Variants in GRID2 observed in about 807,000 individuals in gnomAD.
GRID2 encodes glutamate ionotropic receptor delta type subunit 2, also known as glutamate receptor ionotropic, delta-2.
A neutral mutation model predicts 114.8 loss-of-function variants in GRID2; 33 were observed. The ratio of observed to expected loss-of-function variants is 0.29; its 90% confidence interval spans 0.22 to 0.38. The LOEUF (loss-of-function observed/expected upper bound fraction) is 0.38, where lower values mean the gene tolerates loss of function less well. Ranked by LOEUF, GRID2 falls within the 10% of genes least tolerant of loss-of-function variation. The pLI is 1.00. For synonymous variants in GRID2, 505 were observed against 449.9 expected, an observed-to-expected ratio of 1.12 and a Z score of -1.55; for missense variants, 1,184 against 1,257.7, an observed-to-expected ratio of 0.94 and a Z score of 0.89.
chr4:92,741,260 A>G (rs1736881949), intron 2 of GRID2, among the ~76,000 whole-genome samples: 1 of 152,108 alleles, frequency 6.6e-6, no homozygotes, highest in Admixed American at 6.6e-5. Context: ...GATTTAATGA[A>G]CTAGTATTTA....
At chr4:92,638,546 G>T (rs1731185902) in intron 2 of GRID2, among the ~76,000 whole-genome samples, 1 of 148,358 alleles carries the variant, frequency 6.7e-6, no homozygotes, top group African/African-American at 2.5e-5. Flanking sequence ...TCTTCCAATT[G>T]ACTCATTAAT....
intron 2 of GRID2, among the ~76,000 whole-genome samples, chr4:92,638,460 C>A (rs930180177): frequency 1.4e-5 from 2 of 147,170 alleles, no homozygotes; most frequent in Non-Finnish European, 3.0e-5. Flanking sequence ...ATATAAAATA[C>A]ATATATGTAT....
At chr4:92,829,399 G>T (rs1472568428) in intron 2 of GRID2, among the ~76,000 whole-genome samples, 1 of 152,058 alleles carries the variant, frequency 6.6e-6, no homozygotes, top group African/African-American at 2.4e-5. Flanking sequence ...ACCATCTCAT[G>T]CCAGTTAGAA....
intron 1 of GRID2, among the ~76,000 whole-genome samples, chr4:92,378,660 A>T (rs1317526391): frequency 6.6e-6 from 1 of 152,034 alleles, no homozygotes; most frequent in Admixed American, 6.6e-5. Flanking sequence ...AGAATCTTAG[A>T]TATTTTATTC....
chr4:92,664,579 T>C (rs1310515752), intron 2 of GRID2, among the ~76,000 whole-genome samples: 1 of 151,218 alleles, frequency 6.6e-6, no homozygotes, highest in Non-Finnish European at 1.5e-5. Context: ...TTATTGTGTT[T>C]CTTCTCTTTC....
intron 13 of GRID2, among the ~76,000 whole-genome samples, chr4:93,566,980 A>C (rs1735488152): frequency 6.6e-6 from 1 of 152,050 alleles, no homozygotes; most frequent in Admixed American, 6.6e-5. Flanking sequence ...GTGCCACTGT[A>C]AGGGGTGGTC....
intron 2 of GRID2, among the ~76,000 whole-genome samples, chr4:93,055,083 G>C (rs1339617278): frequency 6.6e-6 from 1 of 151,808 alleles, no homozygotes; most frequent in African/African-American, 2.4e-5. Context: ...CTTATGGTTT[G>C]ATATGTTAAT....
chr4:92,567,978 T>G (rs1304949602), intron 1 of GRID2, among the ~76,000 whole-genome samples: 1 of 151,922 alleles, frequency 6.6e-6, no homozygotes, highest in Non-Finnish European at 1.5e-5. Flanking sequence ...ATGCATCAGA[T>G]GGCCATATAA....
chr4:93,163,531 TG>T (rs1457008842), intron 4 of GRID2, among the ~76,000 whole-genome samples: 1 of 149,896 alleles, frequency 6.7e-6, no homozygotes, highest in Non-Finnish European at 1.5e-5. Flanking sequence ...TCCAAAGTGC[TG>T]GGATTACAGG....
chr4:93,136,980 T>A (rs1735316457), intron 4 of GRID2, among the ~76,000 whole-genome samples: 1 of 152,234 alleles, frequency 6.6e-6, no homozygotes, highest in South Asian at 2.1e-4. Flanking sequence ...GCATAGTTTA[T>A]AATCTAAAGT....
chr4:92,670,613 T>C (rs1449870309), intron 2 of GRID2, among the ~76,000 whole-genome samples: 1 of 152,080 alleles, frequency 6.6e-6, no homozygotes, highest in African/African-American at 2.4e-5. Flanking sequence ...TATTTTATTA[T>C]TGCTAACAAT....
At chr4:93,461,818 ATGTC>A (rs1466714552) in intron 11 of GRID2, among the ~76,000 whole-genome samples, 2 of 152,132 alleles carry the variant, frequency 1.3e-5, no homozygotes, top group Non-Finnish European at 2.9e-5. Flanking sequence ...CGTTATCTCC[ATGTC>A]TACATACATC....
chr4:92,885,342 ATTG>A (rs965399254), intron 2 of GRID2, among the ~76,000 whole-genome samples: 4 of 152,114 alleles, frequency 2.6e-5, no homozygotes, highest in African/African-American at 9.7e-5. Context: ...GCCTTTCCTT[ATTG>A]TTGTTTGATT....
At chr4:92,322,717 T>A (rs1190110018) in intron 1 of GRID2, among the ~76,000 whole-genome samples, 1 of 152,270 alleles carries the variant, frequency 6.6e-6, no homozygotes, top group East Asian at 1.9e-4. Flanking sequence ...CTAGGTATAT[T>A]CTCTTTCAAT....
chr4:93,298,038 T>C (rs1754499402), intron 8 of GRID2, among the ~76,000 whole-genome samples: 2 of 152,184 alleles, frequency 1.3e-5, no homozygotes, highest in Admixed American at 6.5e-5. Context: ...CCTTCTTGGG[T>C]TTACCACATG....
chr4:93,434,745 C>T (rs1720906028), intron 10 of GRID2, among the ~76,000 whole-genome samples: 1 of 152,122 alleles, frequency 6.6e-6, no homozygotes, highest in Admixed American at 6.6e-5. Flanking sequence ...TGCTAGAAGA[C>T]TTTTGATGGG....
At position 92,452,181 on chromosome 4, in the gene GRID2, GAA is replaced by G. The variant is rs560377727; in HGVS notation, c.89-137948_89-137947del. On this transcript the variant is annotated intron_variant, in intron 1 of 15. Transcript: ENST00000282020. ...TATTGAACACAGATGCCCTAACAGT[GAA>G]AGTTTTAATAAAAATAATATTATGC... is the stretch of plus-strand genomic sequence containing the variant. Among the ~76,000 whole-genome samples the G allele has an allele frequency of 2.5e-3, 381 of 152,222 alleles. 2 individuals are homozygous for G. The highest frequency in any genetic ancestry group is 3.9e-3 in the Non-Finnish European group (266 of 68,014).
chr4:93,724,243 T>C (rs1341709073), intron 14 of GRID2, among the ~76,000 whole-genome samples: 1 of 152,112 alleles, frequency 6.6e-6, no homozygotes, highest in Non-Finnish European at 1.5e-5. Flanking sequence ...CTAGGTAAAA[T>C]GTTCAAGCGC....
In GRID2 at chr4:92,664,904, A is replaced by G. The variant is rs553752709; in HGVS notation, c.244+74618A>G. Among the ~76,000 whole-genome samples, 73 of 149,212 alleles carry G rather than the reference A, an allele frequency of 4.9e-4. 1 individual carries two copies. The highest frequency in any genetic ancestry group is 1.8e-3 in the African/African-American group (72 of 40,948). Reference sequence around the variant, plus strand: ...ATCTTTTTTAAATCTGTCATTTTCAACCTATTTCTGTCTTTGGATCCAAAG... The same window carrying G: ...ATCTTTTTTAAATCTGTCATTTTCAGCCTATTTCTGTCTTTGGATCCAAAG... On this transcript the variant is annotated intron_variant, in intron 2 of 15. Transcript: ENST00000282020.
Sources: gnomAD v4.1 joint callset for allele counts (sites outside exome capture counted in the v4.1 genomes callset) on GRCh38, gnomAD v4.1.1 for gene constraint, MANE v1.5 for transcripts, NCBI Gene and HGNC (gene_info 2026-07-23, HGNC 2026-07-21) for gene names.